The following NALF1 variants were observed in gnomAD, a reference collection of about 807,000 sequenced individuals.
NALF1 encodes the protein NALCN channel auxiliary factor 1, also known as family with sequence similarity 155 member A.
Under a neutral mutation model 48.4 loss-of-function variants are expected in NALF1, and 3 were observed. The observed-to-expected ratio is 0.06, with a 90% CI of 0.03 to 0.16. NALF1 has a LOEUF of 0.16. Ranked by LOEUF, NALF1 falls within the 10% of genes least tolerant of loss-of-function variation. The pLI, the probability that NALF1 is intolerant of heterozygous loss-of-function variation, is 1.00. For synonymous variants in NALF1, 262 were observed against 245.7 expected, an observed-to-expected ratio of 1.07 and a Z score of -0.62; for missense variants, 526 against 571.5, an observed-to-expected ratio of 0.92 and a Z score of 0.81.
intron 1 of NALF1, among the ~76,000 whole-genome samples, chr13:107,275,586 C>T (rs756377034): frequency 2.6e-4 from 40 of 152,150 alleles, no homozygotes; most frequent in Admixed American, 5.9e-4. Context: ...TCTGTGGGTC[C>T]GGAATCTGAA....
chr13:107,411,042 A>G (rs1008805622), intron 1 of NALF1, among the ~76,000 whole-genome samples: 2 of 152,182 alleles, frequency 1.3e-5, no homozygotes, highest in African/African-American at 2.4e-5. Flanking sequence ...CAATTTGTTT[A>G]GGCTGCATAT....
In NALF1 at chr13:107,866,638, C is replaced by T; in HGVS notation, c.-42G>A. The T allele has an allele frequency of 1.3e-6, 2 of 1,540,184 alleles. No individual in the cohort carries two copies. The highest frequency in any genetic ancestry group is 2.2e-5 in the East Asian group (1 of 44,542). The stretch of plus-strand genomic sequence containing the variant: ...GCCCTGGCCGACTCCACCGTGAGGG[C>T]GCCTGTGCCGGTGTCACCACAATAT... On this transcript the variant is annotated 5_prime_UTR_variant, in exon 1 of 3. Transcript: ENST00000375915. The surrounding 1 kb of genome is among the most constrained non-coding windows in gnomAD (Gnocchi z 4.4).
intron 1 of NALF1, among the ~76,000 whole-genome samples, chr13:107,639,473 C>T (rs981137415): frequency 1.3e-5 from 2 of 152,172 alleles, no homozygotes; most frequent in Admixed American, 6.5e-5. Context: ...CCAACTTACA[C>T]TTTAAAAAAG....
At chr13:107,524,942 CAGAG>C (rs950886057) in intron 1 of NALF1, among the ~76,000 whole-genome samples, 16 of 150,378 alleles carry the variant, frequency 1.1e-4, no homozygotes, top group Admixed American at 8.0e-4. Flanking sequence ...AACTTGTTCT[CAGAG>C]AGAGAGAGAG....
At chr13:107,328,686 T>C (rs1882412525) in intron 1 of NALF1, among the ~76,000 whole-genome samples, 1 of 152,176 alleles carries the variant, frequency 6.6e-6, no homozygotes, top group South Asian at 2.1e-4. Flanking sequence ...GGAAAAACAA[T>C]TTTCTAATCT....
At chr13:107,361,802 A>G (rs944574249) in intron 1 of NALF1, among the ~76,000 whole-genome samples, 1 of 152,340 alleles carries the variant, frequency 6.6e-6, no homozygotes, top group Admixed American at 6.5e-5. Flanking sequence ...TTGGCTGGTG[A>G]TCCCCAACAT....
rs571631175 is a variant in NALF1, at chr13:107,467,798, T to C, written c.916-257043A>G. The stretch of plus-strand genomic sequence containing the variant: ...GCCCACGCCTGTAATCCCGGCACTT[T>C]GGGAGACCGAGGCGGGTGGATCATG... On this transcript the variant is annotated intron_variant, in intron 1 of 2. Transcript: ENST00000375915. Among the ~76,000 whole-genome samples, 154 of 152,254 alleles carry C rather than the reference T, an allele frequency of 1.0e-3. 2 individuals are homozygous for C. Among genetic ancestry groups the C allele is most frequent in the African/African-American group, 3.4e-3 (142 of 41,566 alleles).
At chr13:107,188,878 T>A (rs1879229338) in intron 2 of NALF1, among the ~76,000 whole-genome samples, 1 of 152,144 alleles carries the variant, frequency 6.6e-6, no homozygotes, top group Non-Finnish European at 1.5e-5. Flanking sequence ...CACCTAGATG[T>A]AGCCTAAGAG....
chr13:107,473,770 T>C (rs571717681), intron 1 of NALF1, among the ~76,000 whole-genome samples: 1 of 152,314 alleles, frequency 6.6e-6, no homozygotes, highest in South Asian at 2.1e-4. Flanking sequence ...CTGATTTACA[T>C]ACAAAATTCT....
intron 1 of NALF1, among the ~76,000 whole-genome samples, chr13:107,299,435 C>CAATAATAATAAT (rs549026613): frequency 0.049 from 6,023 of 123,860 alleles, 156 homozygotes; most frequent in South Asian, 0.068. Context: ...GACTTTGTCT[C>CAATAATAATAAT]AATAATAATA....
At chr13:107,722,699 G>C (rs551495182) in intron 1 of NALF1, among the ~76,000 whole-genome samples, 18 of 152,276 alleles carry the variant, frequency 1.2e-4, no homozygotes, top group South Asian at 2.1e-4. Flanking sequence ...CTCCACTCGT[G>C]GGGGGTCAGG....
intron 1 of NALF1, among the ~76,000 whole-genome samples, chr13:107,469,836 C>G (rs1242318816): frequency 4.0e-5 from 6 of 149,168 alleles, no homozygotes; most frequent in Admixed American, 1.3e-4. Flanking sequence ...CTCCACCTCC[C>G]AGGTTCATGC....
chr13:107,774,778 A>G lies in NALF1; in HGVS notation c.915+90904T>C, dbSNP rs530191877. ...TCTGGGAATGGATCACTATTAAATT[A>G]GCCATGCTATGAAGGAGCTGAAACC... On this transcript the variant is annotated intron_variant, in intron 1 of 2. Transcript: ENST00000375915. 1.1e-4 allele frequency among the ~76,000 whole-genome samples: 16 copies of G among 152,278 alleles called. No homozygotes were observed. In the South Asian group the frequency reaches 2.1e-3, roughly 20 times the overall value.
intron 1 of NALF1, among the ~76,000 whole-genome samples, chr13:107,387,655 A>T (rs1199200904): frequency 6.6e-6 from 1 of 152,204 alleles, no homozygotes; most frequent in Admixed American, 6.5e-5. Flanking sequence ...ATGTCCTAAA[A>T]GGCCAAGCCT....
rs1203750155 is a variant in NALF1, at chr13:107,164,738, C to T, written c.*5759G>A. ...TGTAATATATGTTAAGACTTTCAAACTGTATTGAAAATCTATTGATGGTCA... is the reference window on the plus strand; with the variant it reads ...TGTAATATATGTTAAGACTTTCAAATTGTATTGAAAATCTATTGATGGTCA... On this transcript the variant is annotated 3_prime_UTR_variant, in exon 3 of 3. Transcript: ENST00000375915. 1.3e-5 allele frequency: 2 copies of T among 151,980 alleles called. No individual in the cohort carries two copies. The highest frequency in any genetic ancestry group is 2.1e-4 in the South Asian group (1 of 4,828). The allele number at this position is 151,980 out of a possible 1,614,324, so 9.4% of individuals were successfully genotyped here.
intron 1 of NALF1, among the ~76,000 whole-genome samples, chr13:107,596,381 T>C (rs1285103058): frequency 1.3e-5 from 2 of 152,160 alleles, no homozygotes; most frequent in African/African-American, 4.8e-5. Flanking sequence ...CATACGTGTA[T>C]TGCAGCACTA....
At chr13:107,514,163 T>A (rs1455154795) in intron 1 of NALF1, among the ~76,000 whole-genome samples, 2 of 152,218 alleles carry the variant, frequency 1.3e-5, no homozygotes, top group Non-Finnish European at 1.5e-5. Context: ...TTGAAAACTA[T>A]TCATTCTCTG....
At chr13:107,490,540 A>AAC (rs1337934749) in intron 1 of NALF1, among the ~76,000 whole-genome samples, 1 of 152,122 alleles carries the variant, frequency 6.6e-6, no homozygotes, top group Non-Finnish European at 1.5e-5. Context: ...AGAGGGGAAT[A>AAC]ACACACACTG....
At chr13:107,190,490 A>T (rs1299962107) in intron 2 of NALF1, among the ~76,000 whole-genome samples, 1 of 152,226 alleles carries the variant, frequency 6.6e-6, no homozygotes, top group Non-Finnish European at 1.5e-5. Context: ...TATTTTCCCA[A>T]TTTGATCTGC....
Sources: allele counts gnomAD v4.1 joint callset (sites outside exome capture counted in the v4.1 genomes callset), GRCh38; gene constraint gnomAD v4.1.1; non-coding constraint Gnocchi (gnomAD v3.1); transcripts MANE v1.5; gene names NCBI Gene and HGNC (gene_info 2026-07-23, HGNC 2026-07-21).